Variants in PDE4B observed in about 807,000 individuals in gnomAD.
PDE4B encodes phosphodiesterase 4B.
A neutral mutation model predicts 82.2 loss-of-function variants in PDE4B; 20 were observed. The ratio of observed to expected loss-of-function variants is 0.24; its 90% CI spans 0.17 to 0.35. The LOEUF (loss-of-function observed/expected upper bound fraction) is 0.35, where lower values mean the gene tolerates loss of function less well. Ranked by LOEUF, PDE4B falls within the 10% of genes least tolerant of loss-of-function variation. The pLI is 1.00. For synonymous variants in PDE4B, 320 were observed against 318.9 expected, an observed-to-expected ratio of 1.00 and a Z score of -0.04; for missense variants, 655 against 907.2, an observed-to-expected ratio of 0.72 and a Z score of 3.57.
At chr1:66,209,509 G>A (rs527856947) in intron 3 of PDE4B, among the ~76,000 whole-genome samples, 3 of 152,256 alleles carry the variant, frequency 2.0e-5, no homozygotes, top group East Asian at 3.9e-4. Flanking sequence ...CCACCAGCAC[G>A]TAATTTTTAA....
At chr1:66,200,255 A>C (rs1438658237) in intron 3 of PDE4B, among the ~76,000 whole-genome samples, 1 of 152,150 alleles carries the variant, frequency 6.6e-6, no homozygotes. Context: ...GTAGCCTTAT[A>C]GTATAGTTTG....
chr1:65,956,235 TG>T, intron 3 of PDE4B, among the ~76,000 whole-genome samples: 1 of 152,246 alleles, frequency 6.6e-6, no homozygotes, highest in South Asian at 2.1e-4. Flanking sequence ...ATTTAAGGTT[TG>T]GGAAAGTCTT....
Position 66,367,783 on chromosome 1 carries a change from A to G in PDE4B, c.1472A>G (p.His491Arg), listed in dbSNP as rs1185484755. 3 of 1,613,874 alleles carry G rather than the reference A, an allele frequency of 1.9e-6. No individual in the cohort carries two copies. Among genetic ancestry groups the G allele is most frequent in the Non-Finnish European group, 2.5e-6 (3 of 1,179,812 alleles). The change falls in exon 14 of 17, where the codon CAC (histidine) becomes CGC (arginine). Residue 491 changes from histidine to arginine, a missense_variant. Physicochemically the swap from His to Arg is conservative, Grantham distance 29. This residue lies in a region of PDE4B where 283 missense variants were observed against 516.4 expected (regional missense o/e 0.55). Coordinates refer to ENST00000341517, the MANE Select transcript of PDE4B (RefSeq NM_002600.4). ...AVGFKLLQEE[H>R]CDIFMNLTKK... ...GGTTTCAAACTGCTGCAAGAAGAAC[A>G]CTGTGACATCTTCATGAATCTCACC...
At chr1:66,145,147 G>A (rs1284393688) in intron 3 of PDE4B, among the ~76,000 whole-genome samples, 2 of 152,048 alleles carry the variant, frequency 1.3e-5, no homozygotes, top group Non-Finnish European at 2.9e-5. Flanking sequence ...AAACATTATT[G>A]ATCACCCCCT....
At chr1:66,107,527 A>G (rs941245104) in intron 3 of PDE4B, among the ~76,000 whole-genome samples, 1 of 151,936 alleles carries the variant, frequency 6.6e-6, no homozygotes, top group African/African-American at 2.4e-5. Flanking sequence ...AAACAAAAAA[A>G]AAAACCTGCC....
chr1:66,330,788 A>G, intron 7 of PDE4B: 4 of 985,392 alleles, frequency 4.1e-6, no homozygotes, highest in Non-Finnish European at 4.8e-6. Context: ...AAGTCAGAGA[A>G]TCTTCGTGTT....
chr1:66,220,421 A>C (rs908567570), intron 3 of PDE4B, among the ~76,000 whole-genome samples: 2 of 152,184 alleles, frequency 1.3e-5, no homozygotes, highest in African/African-American at 4.8e-5. Flanking sequence ...AGCCTGGTAC[A>C]TTAGCATCCT....
chr1:66,067,377 T>C (rs893350515), intron 3 of PDE4B, among the ~76,000 whole-genome samples: 1 of 151,998 alleles, frequency 6.6e-6, no homozygotes, highest in Non-Finnish European at 1.5e-5. Context: ...TAATGATCGC[T>C]ATTCTAACTG....
intron 1 of PDE4B, among the ~76,000 whole-genome samples, chr1:65,843,776 CT>C (rs1388675024): frequency 6.6e-6 from 1 of 151,886 alleles, no homozygotes; most frequent in African/African-American, 2.4e-5. Flanking sequence ...TAAAGATGTA[CT>C]TTTAAAAGAA....
intron 3 of PDE4B, among the ~76,000 whole-genome samples, chr1:66,232,020 G>A (rs1216031177): frequency 6.6e-6 from 1 of 152,122 alleles, no homozygotes; most frequent in African/African-American, 2.4e-5. Flanking sequence ...CCCGATGAAG[G>A]GCAAGCTAAG....
Position 66,145,317 on chromosome 1 carries a change from G to T in PDE4B, c.282-102143G>T, listed in dbSNP as rs1327534323. Among the ~76,000 whole-genome samples, 3 of 152,110 alleles carry T rather than the reference G, an allele frequency of 2.0e-5. No individual in the cohort carries two copies. The East Asian group carries it at 5.8e-4, about 29-fold the overall frequency. ...AGGGAACTGCAGAAAATACATGGAT[G>T]GTTAATTAGTAGGAAGCCAAGCAGA... is the stretch of plus-strand genomic sequence containing the variant. On this transcript the variant is annotated intron_variant, in intron 3 of 16. Coordinates refer to ENST00000341517, the MANE Select transcript of PDE4B (RefSeq NM_002600.4).
intron 3 of PDE4B, among the ~76,000 whole-genome samples, chr1:66,212,612 G>C (rs904721013): frequency 2.6e-5 from 4 of 151,862 alleles, no homozygotes; most frequent in African/African-American, 9.7e-5. Context: ...AAATTTTATT[G>C]TCTTTCCCCC....
intron 8 of PDE4B, among the ~76,000 whole-genome samples, chr1:66,339,036 A>T (rs929035348): frequency 1.3e-5 from 2 of 151,830 alleles, no homozygotes; most frequent in East Asian, 3.9e-4. Context: ...AAAAAAAAAA[A>T]AGAGATAAGT....
intron 3 of PDE4B, among the ~76,000 whole-genome samples, chr1:66,039,045 T>G (rs1654218544): frequency 6.6e-6 from 1 of 152,128 alleles, no homozygotes; most frequent in Non-Finnish European, 1.5e-5. Context: ...TACCTCTTAG[T>G]GCACACTCTA....
intron 3 of PDE4B, among the ~76,000 whole-genome samples, chr1:66,087,976 A>T (rs918003733): frequency 1.3e-5 from 2 of 151,826 alleles, no homozygotes; most frequent in African/African-American, 4.8e-5. Flanking sequence ...TGTGTAACTA[A>T]CCTGCACATT....
At chr1:66,030,114 G>C (rs1653687591) in intron 3 of PDE4B, among the ~76,000 whole-genome samples, 1 of 150,476 alleles carries the variant, frequency 6.6e-6, no homozygotes, top group South Asian at 2.1e-4. Flanking sequence ...ATGACCATAT[G>C]GTTTTTGGTT....
chr1:65,845,909 G>C (rs1433187484), intron 1 of PDE4B, among the ~76,000 whole-genome samples: 1 of 152,188 alleles, frequency 6.6e-6, no homozygotes, highest in Admixed American at 6.5e-5. Flanking sequence ...GGGGCTTAGA[G>C]AATAGGGAAG....
At chr1:66,106,599 A>G (rs1251235668) in intron 3 of PDE4B, among the ~76,000 whole-genome samples, 1 of 151,444 alleles carries the variant, frequency 6.6e-6, no homozygotes, top group Non-Finnish European at 1.5e-5. Context: ...GCTATTGATT[A>G]TTGCCACAAT....
intron 3 of PDE4B, among the ~76,000 whole-genome samples, chr1:65,935,574 T>TTAC (rs1177721563): frequency 6.6e-6 from 1 of 152,204 alleles, no homozygotes; most frequent in African/African-American, 2.4e-5. Context: ...TAATCTGAGC[T>TTAC]TACTGTAACA....
Sources: gnomAD v4.1 joint callset for allele counts (sites outside exome capture counted in the v4.1 genomes callset) on GRCh38, gnomAD v4.1.1 for gene constraint, gnomAD v4.1.1 regional missense constraint, MANE v1.5 for transcripts, NCBI Gene and HGNC (gene_info 2026-07-23, HGNC 2026-07-21) for gene names.